Variants in DNAI7 observed in about 807,000 individuals in gnomAD.
The protein encoded by DNAI7 is dynein axonemal intermediate chain 7, also known as cancer susceptibility 1.
DNAI7 carries 78 observed loss-of-function variants against 86.6 expected under a neutral mutation model. That is an observed-to-expected ratio of 0.90 (90% CI 0.75 to 1.09). The LOEUF (loss-of-function observed/expected upper bound fraction) is 1.09. DNAI7 is among the 50% of genes least tolerant of loss of function. The probability of loss-of-function intolerance (pLI) is 0.00; values close to 1 mark genes in which losing one functional copy is unlikely to be tolerated. For synonymous variants in DNAI7, 274 were observed against 273.0 expected, an observed-to-expected ratio of 1.00 and a Z score of -0.04; for missense variants, 753 against 810.2, an observed-to-expected ratio of 0.93 and a Z score of 0.86.
intron 9 of DNAI7, among the ~76,000 whole-genome samples, chr12:25,141,843 A>G (rs1299179108): frequency 6.6e-6 from 1 of 152,118 alleles, no homozygotes; most frequent in Non-Finnish European, 1.5e-5. Flanking sequence ...AAAAGAAAAA[A>G]AAAAGGCCAT....
At position 25,108,580 on chromosome 12, in the gene DNAI7, G is replaced by T; in HGVS notation, c.2137C>A (p.Leu713Met). 2 of 1,613,652 alleles carry T rather than the reference G, an allele frequency of 1.2e-6. No homozygotes were observed. Among genetic ancestry groups the T allele is most frequent in the South Asian group, 2.2e-5 (2 of 91,030 alleles). The change falls in exon 16 of 16, where the codon CTG becomes ATG. Residue 713 changes from leucine to methionine, a missense_variant. By Grantham distance (15) the Leu-to-Met change is conservative. Transcript: ENST00000395987. ...CQFVNSVCHM[L>M]LSTRLLSYS is the part of the protein sequence containing the mutation. ...TAGCTGAGCAATCTGGTAGAGAGCA[G>T]CATGTGGCACACAGAGTTGACAAAC... is the stretch of plus-strand genomic sequence containing the variant.
chr12:25,136,592 A>G (rs999403406), intron 9 of DNAI7, among the ~76,000 whole-genome samples: 1 of 152,250 alleles, frequency 6.6e-6, no homozygotes, highest in Non-Finnish European at 1.5e-5. Context: ...AGAATTCAGA[A>G]GGCCGATTAT....
At chr12:25,136,776 G>C (rs1298442262) in intron 9 of DNAI7, among the ~76,000 whole-genome samples, 4 of 152,136 alleles carry the variant, frequency 2.6e-5, no homozygotes, top group African/African-American at 9.7e-5. Context: ...ACACTGGGAA[G>C]TTTTCAACAA....
At chr12:25,119,364 G>A in intron 11 of DNAI7, 63 bp from the exon 12 acceptor site, 2 of 989,464 alleles carry the variant, frequency 2.0e-6, no homozygotes, top group Non-Finnish European at 3.1e-6. Context: ...AATGTAAATA[G>A]TACTGAATAA....
intron 9 of DNAI7, among the ~76,000 whole-genome samples, chr12:25,140,284 A>G: frequency 6.6e-6 from 1 of 152,122 alleles, no homozygotes; most frequent in Non-Finnish European, 1.5e-5. Context: ...ATGACTGTAC[A>G]CCTAGAAAAC....
At chr12:25,158,404 T>G (rs991876501) in intron 4 of DNAI7, 68 bp downstream of exon 4, 1 of 1,290,936 alleles carries the variant, frequency 7.7e-7, no homozygotes, top group Non-Finnish European at 1.1e-6. Flanking sequence ...GAGAAGGACA[T>G]TAAATGACAA....
chr12:25,162,064 C>A (rs578043249), intron 2 of DNAI7, among the ~76,000 whole-genome samples: 1 of 152,050 alleles, frequency 6.6e-6, no homozygotes, highest in Admixed American at 6.6e-5. Context: ...GAATAGATGG[C>A]ATCTAAATTT....
At chr12:25,110,768 C>G (rs1938649288) in intron 14 of DNAI7, among the ~76,000 whole-genome samples, 1 of 152,062 alleles carries the variant, frequency 6.6e-6, no homozygotes. Context: ...TTCTTTTTTT[C>G]CATAGCACTT....
Position 25,119,271 on chromosome 12 carries a change from A to G in DNAI7, c.1270T>C (p.Tyr424His). Reference protein sequence around the residue: ...ILKEGLQKYTYPPETTEEFET... With the variant: ...ILKEGLQKYTHPPETTEEFET... ...AACTCTTCTGTAGTTTCCGGAGGAT[A>G]TGTGTATTTCTGTAATCCTTCTTTG... Residue 424 changes from tyrosine (Y) to histidine (H), a missense_variant, in exon 12 of 16, where the codon TAT (tyrosine) becomes CAT (histidine). Tyr to His is a moderately conservative substitution (Grantham distance 83). Transcript: ENST00000395987. The G allele has an allele frequency of 6.2e-7, 1 of 1,611,454 alleles. No individual in the cohort carries two copies. Among genetic ancestry groups the G allele is most frequent in the Non-Finnish European group, 8.5e-7 (1 of 1,178,350 alleles).
chr12:25,194,833 G>T, intron 1 of DNAI7: 2 of 1,563,830 alleles, frequency 1.3e-6, no homozygotes, highest in South Asian at 1.1e-5. Flanking sequence ...TCAGGATACC[G>T]TGTGACAGCT....
intron 4 of DNAI7, among the ~76,000 whole-genome samples, chr12:25,155,626 T>G (rs1213249055): frequency 6.6e-6 from 1 of 152,236 alleles, no homozygotes; most frequent in Admixed American, 6.5e-5. Context: ...ACCTAAAACC[T>G]GGGATCTGTG....
chr12:25,132,560 T>C (rs1398197688), intron 9 of DNAI7, among the ~76,000 whole-genome samples: 1 of 140,926 alleles, frequency 7.1e-6, no homozygotes, highest in Non-Finnish European at 1.5e-5. Context: ...TCAATGAAAA[T>C]CTTGGCACAA....
intron 13 of DNAI7, among the ~76,000 whole-genome samples, chr12:25,114,235 G>A (rs925074531): frequency 2.0e-5 from 3 of 152,122 alleles, no homozygotes; most frequent in South Asian, 2.1e-4. Context: ...CACTGCGCTC[G>A]GCCCAGGCTA....
chr12:25,158,443 C>G (rs766903883), intron 4 of DNAI7, 29 bp downstream of exon 4: 1 of 1,528,284 alleles, frequency 6.5e-7, no homozygotes, highest in Non-Finnish European at 9.0e-7. Context: ...TTTAAGTATT[C>G]ATTAAGAACA....
chr12:25,192,364 T>C (rs991489594), intron 1 of DNAI7, among the ~76,000 whole-genome samples: 2 of 152,214 alleles, frequency 1.3e-5, no homozygotes, highest in Admixed American at 6.5e-5. Flanking sequence ...TTCTCCTATA[T>C]GTCATAATAG....
intron 9 of DNAI7, among the ~76,000 whole-genome samples, chr12:25,126,631 A>G (rs968655171): frequency 6.6e-6 from 1 of 152,198 alleles, no homozygotes; most frequent in Non-Finnish European, 1.5e-5. Context: ...CACCAAAAAA[A>G]AGAAAAAAGA....
intron 6 of DNAI7, among the ~76,000 whole-genome samples, chr12:25,153,267 C>A (rs1053615012): frequency 6.6e-6 from 1 of 152,096 alleles, no homozygotes; most frequent in East Asian, 1.9e-4. Context: ...ACTAAAAATA[C>A]AAAAATTAGC....
intron 9 of DNAI7, among the ~76,000 whole-genome samples, chr12:25,134,579 AC>A (rs1164023499): frequency 6.6e-6 from 1 of 150,708 alleles, no homozygotes; most frequent in African/African-American, 2.4e-5. Context: ...CTGATCTCAA[AC>A]TCCTGACCTC....
intron 2 of DNAI7, among the ~76,000 whole-genome samples, chr12:25,166,646 C>T (rs1429730536): frequency 1.3e-5 from 2 of 152,124 alleles, no homozygotes; most frequent in African/African-American, 4.8e-5. Context: ...AAACCCCAAT[C>T]CCTTCTACAA....
Sources: allele counts gnomAD v4.1 joint callset (sites outside exome capture counted in the v4.1 genomes callset), GRCh38; gene constraint gnomAD v4.1.1; transcripts MANE v1.5; gene names NCBI Gene and HGNC (gene_info 2026-07-23, HGNC 2026-07-21).